Variants in SPAG16 observed in about 807,000 individuals in gnomAD.
SPAG16 encodes sperm-associated antigen 16 protein.
SPAG16 carries 86 observed loss-of-function variants against 80.4 expected under a neutral mutation model. The observed-to-expected ratio is 1.07, with a 90% CI of 0.90 to 1.28. The LOEUF (loss-of-function observed/expected upper bound fraction) is 1.28. Ranked by LOEUF, SPAG16 falls within the 50% of genes most tolerant of loss-of-function variation. The pLI, the probability that SPAG16 is intolerant of heterozygous loss-of-function variation, is 0.00. For missense variants in SPAG16, 870 were observed against 765.3 expected, an observed-to-expected ratio of 1.14 and a Z score of -1.61; for synonymous variants, 294 against 265.9, an observed-to-expected ratio of 1.11 and a Z score of -1.03.
At chr2:214,333,167 G>T (rs149350193) in intron 15 of SPAG16, among the ~76,000 whole-genome samples, 29 of 152,174 alleles carry the variant, frequency 1.9e-4, no homozygotes, top group African/African-American at 6.7e-4. Flanking sequence ...AAATATCATA[G>T]ATCTGAGAAT....
intron 10 of SPAG16, among the ~76,000 whole-genome samples, chr2:213,527,270 T>A (rs1006473619): frequency 1.3e-5 from 2 of 152,188 alleles, no homozygotes; most frequent in Admixed American, 1.3e-4. Flanking sequence ...GAGAAAAAAC[T>A]GGTTTGCTTC....
At chr2:213,475,578 G>A (rs2073326778) in intron 9 of SPAG16, among the ~76,000 whole-genome samples, 1 of 152,124 alleles carries the variant, frequency 6.6e-6, no homozygotes, top group African/African-American at 2.4e-5. Flanking sequence ...ACCATGGATG[G>A]GCTCTTGCTG....
intron 15 of SPAG16, among the ~76,000 whole-genome samples, chr2:214,216,480 C>A (rs1374743331): frequency 2.6e-5 from 4 of 152,174 alleles, no homozygotes; most frequent in Non-Finnish European, 5.9e-5. Flanking sequence ...TGCCACCACG[C>A]CCAGCTAATT....
At chr2:213,564,387 C>T (rs142992767) in intron 10 of SPAG16, among the ~76,000 whole-genome samples, 2,209 of 151,172 alleles carry the variant, frequency 0.015, 23 homozygotes, top group South Asian at 0.036. Context: ...CCCAGCTACT[C>T]GAGAGGCTGA....
intron 10 of SPAG16, among the ~76,000 whole-genome samples, chr2:213,717,156 A>C (rs12468299): frequency 2.8e-5 from 4 of 144,202 alleles, no homozygotes; most frequent in East Asian, 2.0e-4. Context: ...GAAACTTTTC[A>C]TTTTTTTTTT....
chr2:213,710,786 C>T (rs2065948322), intron 10 of SPAG16, among the ~76,000 whole-genome samples: 2 of 152,162 alleles, frequency 1.3e-5, no homozygotes, highest in African/African-American at 4.8e-5. Context: ...ATACTGGTAT[C>T]GAAGTAACTT....
chr2:213,454,759 G>A (rs1426662516), intron 9 of SPAG16, among the ~76,000 whole-genome samples: 1 of 152,092 alleles, frequency 6.6e-6, no homozygotes, highest in African/African-American at 2.4e-5. Flanking sequence ...GCCTAACTAA[G>A]GGCTGAGCTC....
At chr2:213,613,638 T>A (rs910384508) in intron 10 of SPAG16, among the ~76,000 whole-genome samples, 2 of 152,248 alleles carry the variant, frequency 1.3e-5, no homozygotes, top group Non-Finnish European at 1.5e-5. Flanking sequence ...CTATCTACAT[T>A]TTGTGCTTTT....
chr2:213,714,459 C>T (rs1300068094), intron 10 of SPAG16, among the ~76,000 whole-genome samples: 1 of 152,042 alleles, frequency 6.6e-6, no homozygotes, highest in African/African-American at 2.4e-5. Context: ...TAACAGCTAA[C>T]AGGTGGCAGG....
intron 15 of SPAG16, among the ~76,000 whole-genome samples, chr2:214,286,113 G>C (rs1241835830): frequency 6.6e-6 from 1 of 152,128 alleles, no homozygotes; most frequent in Non-Finnish European, 1.5e-5. Flanking sequence ...TTTCTATATG[G>C]AACCAAAAAT....
Position 214,347,768 on chromosome 2 carries a change from G to C in SPAG16, c.1721-62372G>C, listed in dbSNP as rs185644052. On this transcript the variant is annotated intron_variant, in intron 15 of 15. Coordinates refer to ENST00000331683, the MANE Select transcript of SPAG16 (RefSeq NM_024532.5). ...TAAGCAACCTAAAGGAATTATATCA[G>C]CTTGGACTAGAGGGGATAGACAGTA... is the stretch of plus-strand genomic sequence containing the variant. Among the ~76,000 whole-genome samples the C allele has an allele frequency of 7.2e-5, 11 of 152,250 alleles. No homozygotes were observed. The East Asian group carries it at 2.1e-3, about 29-fold the overall frequency.
At chr2:213,817,603 T>C (rs12992799) in intron 10 of SPAG16, among the ~76,000 whole-genome samples, 38,438 of 151,868 alleles carry the variant, frequency 0.25, 5,294 homozygotes, top group Middle Eastern at 0.39. Flanking sequence ...CAACAGTGGA[T>C]TGAATAAAGA....
chr2:214,017,922 A>G (rs1309246517), intron 13 of SPAG16, among the ~76,000 whole-genome samples: 1 of 152,142 alleles, frequency 6.6e-6, no homozygotes, highest in Non-Finnish European at 1.5e-5. Context: ...GCTCTAAAAT[A>G]TTTTGGTTTA....
chr2:214,139,864 C>A (rs1450947918), intron 14 of SPAG16, among the ~76,000 whole-genome samples: 1 of 152,150 alleles, frequency 6.6e-6, no homozygotes, highest in Non-Finnish European at 1.5e-5. Context: ...TTTATCTTAA[C>A]CTAAGCATTT....
intron 9 of SPAG16, among the ~76,000 whole-genome samples, chr2:213,417,446 G>C (rs892686312): frequency 5.9e-5 from 9 of 152,166 alleles, no homozygotes; most frequent in Admixed American, 5.9e-4. Context: ...CAGGGAACTA[G>C]ACCTGTTTTT....
rs1209697541 is a variant in SPAG16, at chr2:213,375,037, C to T, written c.860C>T (p.Ala287Val). 5 of 1,606,364 alleles carry T rather than the reference C, an allele frequency of 3.1e-6. No homozygotes were observed. Among genetic ancestry groups the T allele is most frequent in the Admixed American group, 3.4e-5 (2 of 58,264 alleles). ...GATCATAGTCGTGAAAAAGAAAATG[C>T]ACCAGAAGGTCCTACTCAGAAAGGT... The part of the protein sequence containing the change: ...KVDHSREKEN[A>V]PEGPTQKGLR... Residue 287 changes from alanine (A) to valine (V), a missense_variant, in exon 9 of 16, where the codon GCA becomes GTA. Coordinates refer to ENST00000331683, the MANE Select transcript of SPAG16 (RefSeq NM_024532.5).
chr2:213,287,784 T>G (rs535741307), intron 1 of SPAG16, among the ~76,000 whole-genome samples: 120 of 152,302 alleles, frequency 7.9e-4, no homozygotes, highest in African/African-American at 2.8e-3. Flanking sequence ...AATTAAGGAC[T>G]CTAGACCCTG....
chr2:213,873,972 CTT>C (rs1479585627), intron 11 of SPAG16, among the ~76,000 whole-genome samples: 1 of 152,060 alleles, frequency 6.6e-6, no homozygotes, highest in South Asian at 2.1e-4. Context: ...ATATAACAAA[CTT>C]ATATAGTTAC....
intron 10 of SPAG16, among the ~76,000 whole-genome samples, chr2:213,660,224 T>C (rs2063368145): frequency 6.6e-6 from 1 of 151,874 alleles, no homozygotes; most frequent in Non-Finnish European, 1.5e-5. Context: ...CAAAGGTTTC[T>C]AAATGTCATT....
Sources: gnomAD v4.1 joint callset for allele counts (sites outside exome capture counted in the v4.1 genomes callset) on GRCh38, gnomAD v4.1.1 for gene constraint, MANE v1.5 for transcripts, NCBI Gene and HGNC (gene_info 2026-07-23, HGNC 2026-07-21) for gene names.